The following ARID5B variants were observed in gnomAD, a reference collection of about 807,000 sequenced individuals.
ARID5B encodes the protein AT-rich interaction domain 5B, also known as AT-rich interactive domain-containing protein 5B.
A neutral mutation model predicts 97.2 loss-of-function variants in ARID5B; 13 were observed. The ratio of observed to expected loss-of-function variants is 0.13; its 90% CI spans 0.09 to 0.21. ARID5B has a LOEUF of 0.21. Among genes scored for constraint, ARID5B ranks in the 10% least tolerant of loss-of-function variants. The pLI is 1.00. For missense variants in ARID5B, 1,210 were observed against 1,465.3 expected (o/e 0.83, Z 2.84); for synonymous variants, 556 against 570.3 (o/e 0.97, Z 0.36).
intron 4 of ARID5B, among the ~76,000 whole-genome samples, chr10:62,036,856 G>A (rs919343938): frequency 6.6e-6 from 1 of 152,190 alleles, no homozygotes; most frequent in African/African-American, 2.4e-5. Flanking sequence ...TGTCTTTTCT[G>A]ATGTGGAGAA....
chr10:61,985,976 G>A (rs1419103341), intron 3 of ARID5B, among the ~76,000 whole-genome samples: 2 of 152,098 alleles, frequency 1.3e-5, no homozygotes, highest in African/African-American at 4.8e-5. Flanking sequence ...GACTGGAAGA[G>A]ATTCTTTAAT....
intron 7 of ARID5B, among the ~76,000 whole-genome samples, chr10:62,065,621 G>A (rs7899580): frequency 0.32 from 48,261 of 151,930 alleles, 7,997 homozygotes; most frequent in East Asian, 0.48. Context: ...CAAGATGGGC[G>A]GATCACGAGG....
intron 9 of ARID5B, among the ~76,000 whole-genome samples, chr10:62,088,492 A>C (rs566319977): frequency 6.6e-6 from 1 of 152,274 alleles, no homozygotes; most frequent in African/African-American, 2.4e-5. Flanking sequence ...CCAAGAGTGG[A>C]GCCTTACTCC....
In ARID5B at chr10:62,091,449, G is replaced by T; in HGVS notation, c.1986G>T (p.Leu662=). 2 of 1,611,862 alleles carry T rather than the reference G, an allele frequency of 1.2e-6. No homozygotes were observed. Among genetic ancestry groups the T allele is most frequent in the Non-Finnish European group, 8.5e-7 (1 of 1,178,704 alleles). Residue 662 remains leucine, a synonymous_variant, in exon 10 of 10, where the codon CTG becomes CTT. Transcript: ENST00000279873. ...TTGACATGTTCAAAGACAAAGACCT[G>T]ACTGGGCCCATGAACGAGAACCATG... is the stretch of plus-strand genomic sequence containing the variant. ...QSFDMFKDKD[L]TGPMNENHGL... is the part of the protein sequence containing the mutation.
chr10:61,927,075 T>C (rs1234779921), intron 2 of ARID5B, among the ~76,000 whole-genome samples: 1 of 152,224 alleles, frequency 6.6e-6, no homozygotes, highest in East Asian at 1.9e-4. Context: ...AGGACCATTA[T>C]TGTTCCTAGA....
chr10:62,021,575 C>T (rs111708270), intron 4 of ARID5B, among the ~76,000 whole-genome samples: 11 of 152,150 alleles, frequency 7.2e-5, no homozygotes, highest in Non-Finnish European at 1.2e-4. Context: ...TTATGGTCAG[C>T]GATATTTACC....
chr10:61,902,703 ATGTGTG>A (rs3834903), intron 2 of ARID5B, among the ~76,000 whole-genome samples: 118 of 113,476 alleles, frequency 1.0e-3, no homozygotes, highest in Admixed American at 5.3e-3. Flanking sequence ...GTGTGTGTGT[ATGTGTG>A]TGTGTGTGTT....
chr10:62,082,481 G>A (rs1269355355), intron 8 of ARID5B, among the ~76,000 whole-genome samples: 3 of 152,094 alleles, frequency 2.0e-5, no homozygotes, highest in Non-Finnish European at 4.4e-5. Context: ...GAATTCTTGG[G>A]GGCTGGAGTG....
At chr10:62,009,159 C>G (rs1021937137) in intron 4 of ARID5B, among the ~76,000 whole-genome samples, 4 of 152,356 alleles carry the variant, frequency 2.6e-5, no homozygotes, top group East Asian at 1.9e-4. Context: ...TGGCGTGGGC[C>G]TTGATTCCAT....
intron 4 of ARID5B, among the ~76,000 whole-genome samples, chr10:62,041,036 G>A (rs189798324): frequency 7.2e-5 from 11 of 152,170 alleles, no homozygotes; most frequent in Admixed American, 1.3e-4. Flanking sequence ...CCAATTGAGT[G>A]ATCACTCTAG....
intron 3 of ARID5B, among the ~76,000 whole-genome samples, chr10:61,978,366 C>T (rs1342592563): frequency 1.3e-5 from 2 of 152,100 alleles, no homozygotes; most frequent in Admixed American, 6.6e-5. Context: ...TCCATGTGAA[C>T]TTTAAAGTAG....
chr10:61,928,239 C>A (rs1589222642), intron 2 of ARID5B, among the ~76,000 whole-genome samples: 2 of 152,126 alleles, frequency 1.3e-5, no homozygotes, highest in East Asian at 3.8e-4. Flanking sequence ...CTTACGATTC[C>A]TTTACATCCC....
chr10:61,958,159 TC>T (rs11324800), intron 3 of ARID5B, among the ~76,000 whole-genome samples: 4,590 of 152,300 alleles, frequency 0.03, 251 homozygotes, highest in African/African-American at 0.1. Flanking sequence ...TAAGCAGTGT[TC>T]CAGGAGCTTG....
At chr10:62,056,907 C>T (rs1589277572) in intron 5 of ARID5B, among the ~76,000 whole-genome samples, 1 of 152,176 alleles carries the variant, frequency 6.6e-6, no homozygotes, top group Non-Finnish European at 1.5e-5. Flanking sequence ...ACAATATTTA[C>T]GATGTGGCCC....
intron 4 of ARID5B, among the ~76,000 whole-genome samples, chr10:62,023,288 G>A (rs1228243549): frequency 6.6e-6 from 1 of 152,016 alleles, no homozygotes; most frequent in Non-Finnish European, 1.5e-5. Flanking sequence ...TTAGATTTAG[G>A]GCAAGGCACT....
chr10:62,044,091 G>A (rs1245735809), intron 4 of ARID5B, among the ~76,000 whole-genome samples: 1 of 151,860 alleles, frequency 6.6e-6, no homozygotes, highest in African/African-American at 2.4e-5. Context: ...CTTCCAGGAG[G>A]AAGAACAAGC....
intron 2 of ARID5B, among the ~76,000 whole-genome samples, chr10:61,915,716 G>T (rs1371190313): frequency 6.6e-6 from 1 of 152,152 alleles, no homozygotes; most frequent in East Asian, 1.9e-4. Context: ...AGGCCCATAG[G>T]CCAACTCTGG....
intron 3 of ARID5B, among the ~76,000 whole-genome samples, chr10:61,996,281 GA>G (rs535973572): frequency 3.8e-4 from 58 of 152,146 alleles, no homozygotes; most frequent in African/African-American, 1.3e-3. Flanking sequence ...ACATCAAACA[GA>G]AGTCTTATAT....
At chr10:62,003,642 G>A (rs1404398976) in intron 4 of ARID5B, among the ~76,000 whole-genome samples, 1 of 152,130 alleles carries the variant, frequency 6.6e-6, no homozygotes, top group Non-Finnish European at 1.5e-5. Flanking sequence ...GGACACACAT[G>A]TGACTCAGTG....
Sources: gnomAD v4.1 joint callset for allele counts (sites outside exome capture counted in the v4.1 genomes callset) on GRCh38, gnomAD v4.1.1 for gene constraint, MANE v1.5 for transcripts, NCBI Gene and HGNC (gene_info 2026-07-23, HGNC 2026-07-21) for gene names.